MTX2: variants seen among roughly 807,000 people sequenced by gnomAD.
MTX2 encodes metaxin 2.
MTX2 carries 35 observed loss-of-function variants against 42.3 expected under a neutral mutation model. That is an observed-to-expected ratio of 0.83 (90% CI 0.63 to 1.10). The LOEUF (loss-of-function observed/expected upper bound fraction) is 1.10, where lower values mean the gene tolerates loss of function less well. MTX2 is among the 50% of genes least tolerant of loss of function. The pLI is 0.00. For missense variants in MTX2, 307 were observed against 304.1 expected (o/e 1.01, Z -0.07); for synonymous variants, 119 against 100.9 (o/e 1.18, Z -1.08).
chr2:176,279,852 AT>A (rs1693037083), intron 1 of MTX2, among the ~76,000 whole-genome samples: 1 of 152,156 alleles, frequency 6.6e-6, no homozygotes, highest in Non-Finnish European at 1.5e-5. Flanking sequence ...TAATTTTAAT[AT>A]TAAAATAAAT....
intron 9 of MTX2, among the ~76,000 whole-genome samples, chr2:176,331,609 T>C (rs1482888223): frequency 6.6e-6 from 1 of 151,202 alleles, no homozygotes; most frequent in Non-Finnish European, 1.5e-5. Context: ...TATACATATA[T>C]AATTGATATT....
chr2:176,270,409 G>A (rs778519896), intron 1 of MTX2: 11 of 1,362,662 alleles, frequency 8.1e-6, no homozygotes, highest in Non-Finnish European at 1.1e-5. Context: ...GAACATGACT[G>A]ATGTATATAG....
intron 3 of MTX2, among the ~76,000 whole-genome samples, chr2:176,313,944 T>C (rs760974255): frequency 3.9e-5 from 6 of 152,122 alleles, no homozygotes; most frequent in Non-Finnish European, 8.8e-5. Flanking sequence ...GCAATCTCAA[T>C]GAGTTAGCGT....
intron 4 of MTX2, among the ~76,000 whole-genome samples, chr2:176,324,289 T>C (rs1324787053): frequency 6.6e-5 from 10 of 151,636 alleles, no homozygotes; most frequent in African/African-American, 2.4e-4. Context: ...AATTTTTTTT[T>C]TCCACCTTAA....
chr2:176,281,366 G>A (rs1248099225), intron 1 of MTX2, among the ~76,000 whole-genome samples: 1 of 152,128 alleles, frequency 6.6e-6, no homozygotes, highest in African/African-American at 2.4e-5. Context: ...TCTGACAGTT[G>A]ATTCTGGCTA....
intron 5 of MTX2, among the ~76,000 whole-genome samples, chr2:176,327,542 A>T (rs1205518349): frequency 2.0e-5 from 3 of 148,686 alleles, no homozygotes; most frequent in Admixed American, 6.8e-5. Flanking sequence ...TGTATTGGAG[A>T]TATATATATA....
chr2:176,289,302 T>C (rs1272045732), intron 1 of MTX2, among the ~76,000 whole-genome samples: 1 of 152,086 alleles, frequency 6.6e-6, no homozygotes, highest in Non-Finnish European at 1.5e-5. Flanking sequence ...TTCTTTTTGA[T>C]TTTACTTTGT....
intron 9 of MTX2, among the ~76,000 whole-genome samples, chr2:176,336,491 A>G (rs1253380276): frequency 6.6e-6 from 1 of 152,114 alleles, no homozygotes; most frequent in Non-Finnish European, 1.5e-5. Flanking sequence ...CATTTTGTTT[A>G]TGCATCTATT....
chr2:176,326,806 T>C lies in MTX2; in HGVS notation c.209-19T>C, dbSNP rs1254312252. The C allele has an allele frequency of 1.4e-6, 2 of 1,393,954 alleles. No individual in the cohort carries two copies. Among genetic ancestry groups the C allele is most frequent in the Non-Finnish European group, 2.0e-6 (2 of 1,024,090 alleles). The allele number at this position is 1,393,954 out of a possible 1,614,324, so 86.3% of individuals were successfully genotyped here. ...ATACTGGAAGTATTTTTATAAATAC[T>C]TTTTTTTTCTCTCAACAGGTAAAGT... On this transcript the variant is annotated intron_variant, in intron 4 of 9. Coordinates refer to ENST00000249442, the MANE Select transcript of MTX2 (RefSeq NM_006554.5).
At chr2:176,331,703 C>T (rs1199494648) in intron 9 of MTX2, among the ~76,000 whole-genome samples, 1 of 151,154 alleles carries the variant, frequency 6.6e-6, no homozygotes, top group African/African-American at 2.4e-5. Context: ...GCTTCTACAA[C>T]TCTGTTCCTG....
At chr2:176,276,898 A>G (rs1692960935) in intron 1 of MTX2, among the ~76,000 whole-genome samples, 1 of 152,160 alleles carries the variant, frequency 6.6e-6, no homozygotes, top group Non-Finnish European at 1.5e-5. Flanking sequence ...TAAGAACAAT[A>G]TCTGTTCTGT....
intron 1 of MTX2, among the ~76,000 whole-genome samples, chr2:176,295,524 T>C (rs1240400953): frequency 3.3e-5 from 5 of 152,188 alleles, no homozygotes; most frequent in Admixed American, 2.0e-4. Flanking sequence ...CCCTTACGTA[T>C]ATGTGTAGTA....
At chr2:176,306,059 C>T (rs956741192) in intron 3 of MTX2, among the ~76,000 whole-genome samples, 1 of 151,998 alleles carries the variant, frequency 6.6e-6, no homozygotes, top group African/African-American at 2.4e-5. Context: ...GCTATCCCTC[C>T]CCCAGCACCC....
intron 1 of MTX2, among the ~76,000 whole-genome samples, chr2:176,274,315 C>T (rs1376136166): frequency 6.6e-6 from 1 of 152,110 alleles, no homozygotes; most frequent in East Asian, 1.9e-4. Context: ...TTAAAAAAAT[C>T]GACATATAAT....
At chr2:176,306,085 C>T (rs1434617628) in intron 3 of MTX2, among the ~76,000 whole-genome samples, 4 of 151,820 alleles carry the variant, frequency 2.6e-5, no homozygotes, top group Admixed American at 1.3e-4. Flanking sequence ...CCCTGACAGG[C>T]CCCAGTGTGT....
chr2:176,332,232 C>T (rs542812984), intron 9 of MTX2, among the ~76,000 whole-genome samples: 1 of 151,412 alleles, frequency 6.6e-6, no homozygotes, highest in African/African-American at 2.4e-5. Flanking sequence ...TTTATTCGAT[C>T]ATTTAATTAA....
chr2:176,303,318 T>G (rs1327709184), intron 3 of MTX2, among the ~76,000 whole-genome samples: 3 of 152,166 alleles, frequency 2.0e-5, no homozygotes, highest in Non-Finnish European at 4.4e-5. Context: ...GATCATCCTC[T>G]GTCAGATGAG....
intron 1 of MTX2, among the ~76,000 whole-genome samples, chr2:176,275,327 C>A (rs538631048): frequency 2.0e-5 from 3 of 152,110 alleles, no homozygotes; most frequent in Admixed American, 6.5e-5. Context: ...CAACCTCCAC[C>A]TCCCAGGTTC....
chr2:176,293,612 G>C (rs890411422), intron 1 of MTX2, among the ~76,000 whole-genome samples: 4 of 152,102 alleles, frequency 2.6e-5, no homozygotes, highest in African/African-American at 9.7e-5. Flanking sequence ...TGCTCTTGCT[G>C]TGTGTGACAC....
Sources: allele counts gnomAD v4.1 joint callset (sites outside exome capture counted in the v4.1 genomes callset), GRCh38; gene constraint gnomAD v4.1.1; transcripts MANE v1.5; gene names NCBI Gene and HGNC (gene_info 2026-07-23, HGNC 2026-07-21).